LRRFIP2: variants seen among roughly 807,000 people sequenced by gnomAD.
LRRFIP2 encodes leucine-rich repeat flightless-interacting protein 2.
A neutral mutation model predicts 125.9 loss-of-function variants in LRRFIP2; 109 were observed. The ratio of observed to expected loss-of-function variants is 0.87; its 90% confidence interval spans 0.74 to 1.01. LRRFIP2 has a LOEUF of 1.01. LRRFIP2 is among the 50% of genes least tolerant of loss of function. The pLI is 0.00. For synonymous variants in LRRFIP2, 291 were observed against 293.1 expected, an observed-to-expected ratio of 0.99 and a Z score of 0.07; for missense variants, 850 against 862.3, an observed-to-expected ratio of 0.99 and a Z score of 0.18.
intron 19 of LRRFIP2, among the ~76,000 whole-genome samples, chr3:37,082,480 G>T (rs1023496419): frequency 2.6e-5 from 4 of 151,972 alleles, no homozygotes; most frequent in Non-Finnish European, 2.9e-5. Context: ...ACCCACAATA[G>T]AGTGGTACAT....
intron 19 of LRRFIP2, among the ~76,000 whole-genome samples, chr3:37,081,943 CTAAAA>C (rs1205407059): frequency 6.8e-6 from 1 of 147,172 alleles, no homozygotes; most frequent in African/African-American, 2.5e-5. Context: ...TCTATGCATA[CTAAAA>C]TAACTCTATT....
intron 1 of LRRFIP2, among the ~76,000 whole-genome samples, chr3:37,167,519 T>C (rs918074765): frequency 7.3e-5 from 11 of 151,198 alleles, no homozygotes; most frequent in Admixed American, 3.3e-4. Context: ...CCGGGCGTGG[T>C]GGCGGGTGCC....
chr3:37,147,337 C>T (rs2095881388), intron 2 of LRRFIP2, among the ~76,000 whole-genome samples: 1 of 152,162 alleles, frequency 6.6e-6, no homozygotes, highest in South Asian at 2.1e-4. Context: ...TACCATTTGA[C>T]CCAGCAATCC....
intron 1 of LRRFIP2, among the ~76,000 whole-genome samples, chr3:37,163,765 G>A (rs1369674684): frequency 6.6e-6 from 1 of 152,150 alleles, no homozygotes; most frequent in African/African-American, 2.4e-5. Flanking sequence ...ATACATGTAT[G>A]GACATGGAGG....
intron 19 of LRRFIP2, among the ~76,000 whole-genome samples, chr3:37,080,382 G>A (rs2092530014): frequency 6.6e-6 from 1 of 151,444 alleles, no homozygotes; most frequent in Non-Finnish European, 1.5e-5. Flanking sequence ...GGCAACAAGA[G>A]CAAAACTCGT....
intron 25 of LRRFIP2, among the ~76,000 whole-genome samples, chr3:37,057,239 T>C (rs1397048395): frequency 6.6e-6 from 1 of 152,124 alleles, no homozygotes; most frequent in Admixed American, 6.6e-5. Context: ...CCTAAATCTG[T>C]TTCCTTTTAA....
Position 37,101,356 on chromosome 3 carries a change from C to CA in LRRFIP2, c.873+1567dup, listed in dbSNP as rs11359628. 4.0e-3 allele frequency among the ~76,000 whole-genome samples: 533 copies of CA among 132,334 alleles called. 4 individuals are homozygous for CA. The highest frequency in any genetic ancestry group is 0.011 in the African/African-American group (387 of 35,232). 86.8% of individuals were successfully genotyped at this position (132,334 alleles called of 152,430 possible). ...TAGGTGACAGAGTGAGACTCCGTCT[C>CA]AAAAAAAAAAAAAAGAAAGAAATGT... is the stretch of plus-strand genomic sequence containing the variant. On this transcript the variant is annotated intron_variant, in intron 15 of 27. Transcript: ENST00000336686.
At chr3:37,142,656 A>G (rs2095742031) in intron 2 of LRRFIP2, among the ~76,000 whole-genome samples, 1 of 152,212 alleles carries the variant, frequency 6.6e-6, no homozygotes, top group Non-Finnish European at 1.5e-5. Flanking sequence ...CACAGAGGAT[A>G]AGGGCATTTG....
At chr3:37,160,604 A>C (rs1253261410) in intron 1 of LRRFIP2, among the ~76,000 whole-genome samples, 1 of 151,974 alleles carries the variant, frequency 6.6e-6, no homozygotes, top group Non-Finnish European at 1.5e-5. Context: ...ACATGGTGAA[A>C]CCCTATCTCT....
chr3:37,092,089 T>G (rs2093474419), intron 17 of LRRFIP2, among the ~76,000 whole-genome samples: 2 of 152,320 alleles, frequency 1.3e-5, no homozygotes, highest in South Asian at 4.1e-4. Context: ...AAGTTAAACA[T>G]TTTGAACAGA....
At position 37,124,818 on chromosome 3, in the gene LRRFIP2, G is replaced by A. The variant is rs1281490218; in HGVS notation, c.228+2812C>T. 2.9e-4 allele frequency among the ~76,000 whole-genome samples: 44 copies of A among 152,146 alleles called. 1 individual carries two copies. The highest frequency in any genetic ancestry group is 4.4e-5 in the Non-Finnish European group (3 of 68,016). On this transcript the variant is annotated intron_variant, in intron 4 of 27. Transcript: ENST00000336686. ...TCTTCCTTCTCTGGAAGAACAAAAAGCTTCATTTGCCAGGTATTTCTAGAG... is the reference window on the plus strand; with the variant it reads ...TCTTCCTTCTCTGGAAGAACAAAAAACTTCATTTGCCAGGTATTTCTAGAG...
At chr3:37,110,905 T>TA (rs1214453855) in intron 9 of LRRFIP2, 86 bp downstream of exon 9, 41 of 1,222,710 alleles carry the variant, frequency 3.4e-5, no homozygotes, top group Non-Finnish European at 4.9e-5. Flanking sequence ...ACAGATTAGT[T>TA]ACAGCTAGTC....
At chr3:37,173,209 A>AT (rs2096610044) in intron 1 of LRRFIP2, among the ~76,000 whole-genome samples, 2 of 151,616 alleles carry the variant, frequency 1.3e-5, no homozygotes, top group Non-Finnish European at 2.9e-5. Context: ...AAAAAAAAAA[A>AT]GTTGAGTTTC....
Position 37,093,126 on chromosome 3 carries a change from T to C in LRRFIP2, c.1036-1588A>G, listed in dbSNP as rs187260224. Reference sequence around the variant, plus strand: ...GTCCTGGGATTACATGGGTGACAAATTTTTTTTTAAGGCTAGTCAAGTGAA... The same window carrying C: ...GTCCTGGGATTACATGGGTGACAAACTTTTTTTTAAGGCTAGTCAAGTGAA... On this transcript the variant is annotated intron_variant, in intron 17 of 27. Transcript: ENST00000336686. The C allele has an allele frequency of 1.1e-4, 16 of 152,322 alleles. 1 individual carries two copies. The East Asian group carries it at 3.1e-3, about 29-fold the overall frequency. The allele number at this position is 152,322 out of a possible 1,614,324, so 9.4% of individuals were successfully genotyped here.
intron 16 of LRRFIP2, among the ~76,000 whole-genome samples, chr3:37,096,406 T>C (rs924754993): frequency 1.3e-5 from 2 of 152,180 alleles, no homozygotes; most frequent in African/African-American, 2.4e-5. Context: ...AGAGGTGACA[T>C]TCAAGGAAAT....
intron 1 of LRRFIP2, among the ~76,000 whole-genome samples, chr3:37,155,200 T>C (rs2150128364): frequency 6.6e-6 from 1 of 152,306 alleles, no homozygotes; most frequent in East Asian, 1.9e-4. Context: ...AATGTGAAGC[T>C]CAAATGAATT....
In LRRFIP2 at chr3:37,053,957, C is replaced by A; in HGVS notation, c.2060G>T (p.Arg687Leu). The change falls in exon 28 of 28, where the codon CGA (arginine) becomes CTA (leucine). Residue 687 changes from arginine (R) to leucine (L), a missense_variant. Transcript: ENST00000336686. ...CTCCTCAATCTTGTCCAGTGCTGTT[C>A]GTAACTGGAGACAGGGAGAATGCAG... ...AEKRKLQREL[R>L]TALDKIEEME... 1 of 1,594,736 alleles carries A rather than the reference C, an allele frequency of 6.3e-7. No individual in the cohort carries two copies.
At position 37,095,137 on chromosome 3, in the gene LRRFIP2, T is replaced by C. The variant is rs2093656308; in HGVS notation, c.919-229A>G. On this transcript the variant is annotated intron_variant, in intron 16 of 27. Coordinates refer to ENST00000336686, the MANE Select transcript of LRRFIP2 (RefSeq NM_006309.4). ...ATGACACAAATACCTTATCAAAATC[T>C]ATAATTCGTAATAACCAAAAAGAAA... 1.1e-4 allele frequency among the ~76,000 whole-genome samples: 16 copies of C among 152,336 alleles called. No homozygotes were observed. The South Asian group carries it at 3.3e-3, about 32-fold the overall frequency.
chr3:37,115,521 A>G (rs934315126), intron 6 of LRRFIP2, among the ~76,000 whole-genome samples: 23 of 152,244 alleles, frequency 1.5e-4, no homozygotes, highest in Admixed American at 5.9e-4. Flanking sequence ...AAGGATGAAC[A>G]GGCAATGAGG....
Sources: gnomAD v4.1 joint callset for allele counts (sites outside exome capture counted in the v4.1 genomes callset) on GRCh38, gnomAD v4.1.1 for gene constraint, MANE v1.5 for transcripts, NCBI Gene and HGNC (gene_info 2026-07-23, HGNC 2026-07-21) for gene names.